ZNF638: variants seen among roughly 807,000 people sequenced by gnomAD.
ZNF638 encodes CTCL tumor antigen se33-1.
Under a neutral mutation model 195.6 loss-of-function variants are expected in ZNF638, and 46 were observed. The observed-to-expected ratio is 0.24, with a 90% CI of 0.19 to 0.30. ZNF638 has a LOEUF of 0.30. Ranked by LOEUF, ZNF638 falls within the 10% of genes least tolerant of loss-of-function variation. The probability of loss-of-function intolerance (pLI) is 1.00; values close to 1 mark genes in which losing one functional copy is unlikely to be tolerated. For synonymous variants in ZNF638, 845 were observed against 772.0 expected, an observed-to-expected ratio of 1.09 and a Z score of -1.57; for missense variants, 2,440 against 2,325.3, an observed-to-expected ratio of 1.05 and a Z score of -1.01.
At chr2:71,336,810 A>G (rs866992134) in intron 1 of ZNF638, among the ~76,000 whole-genome samples, 5 of 152,288 alleles carry the variant, frequency 3.3e-5, no homozygotes, top group Middle Eastern at 6.8e-3. Flanking sequence ...CCAGAGTTAA[A>G]ACACTGAATG....
rs186062036 is a variant in ZNF638 at position 71,343,466 on chromosome 2, C to A, written c.-202-5287C>A. ...GAAATTTGTGACCTACTGTCATTCC[C>A]AATTAAATGTTCCTGCCTGCCAATA... is the stretch of plus-strand genomic sequence containing the variant. On this transcript the variant is annotated intron_variant, in intron 1 of 27. Transcript: ENST00000264447. 1.4e-3 allele frequency among the ~76,000 whole-genome samples: 214 copies of A among 152,240 alleles called. 2 individuals carry two copies. The highest frequency in any genetic ancestry group is 4.6e-3 in the African/African-American group (193 of 41,548).
intron 1 of ZNF638, among the ~76,000 whole-genome samples, chr2:71,340,043 A>C (rs561526824): frequency 6.6e-6 from 1 of 152,356 alleles, no homozygotes; most frequent in African/African-American, 2.4e-5. Flanking sequence ...AATCATTGCT[A>C]TATGGGATTA....
chr2:71,347,480 A>G (rs987389619), intron 1 of ZNF638, among the ~76,000 whole-genome samples: 2 of 152,218 alleles, frequency 1.3e-5, no homozygotes, highest in African/African-American at 2.4e-5. Flanking sequence ...AACGGATGAA[A>G]TTGTGGCTTG....
At chr2:71,380,629 A>G in intron 10 of ZNF638, 64 bp downstream of exon 10, 1 of 1,358,946 alleles carries the variant, frequency 7.4e-7, no homozygotes, top group Non-Finnish European at 1.0e-6. Flanking sequence ...AGAAACTTAG[A>G]TGATGATGCT....
chr2:71,342,176 G>T (rs2104119851), intron 1 of ZNF638, among the ~76,000 whole-genome samples: 1 of 138,466 alleles, frequency 7.2e-6, no homozygotes, highest in South Asian at 2.3e-4. Flanking sequence ...AGCTGAGGCT[G>T]CGTCACTGCA....
chr2:71,367,470 G>C (rs751825570), intron 6 of ZNF638, among the ~76,000 whole-genome samples: 1 of 127,398 alleles, frequency 7.8e-6, no homozygotes, highest in Non-Finnish European at 1.6e-5. Flanking sequence ...GTCTCGCTCT[G>C]TCACCCAGGC....
chr2:71,361,683 A>G (rs1218735909), intron 3 of ZNF638: 4 of 152,248 alleles, frequency 2.6e-5, no homozygotes, highest in South Asian at 4.1e-4. Flanking sequence ...CAGACAATAT[A>G]TCTATTCTCA....
At chr2:71,355,056 C>T (rs1413710979) in intron 2 of ZNF638, among the ~76,000 whole-genome samples, 1 of 152,114 alleles carries the variant, frequency 6.6e-6, no homozygotes, top group African/African-American at 2.4e-5. Flanking sequence ...GCAAGCTCCG[C>T]CTCCCGGGTT....
intron 7 of ZNF638, 26 bp from the exon 8 acceptor site, chr2:71,369,857 T>G: frequency 1.3e-6 from 2 of 1,557,254 alleles, no homozygotes; most frequent in Non-Finnish European, 1.7e-6. Flanking sequence ...GATTTGTGAC[T>G]AAAGATGGAA....
At chr2:71,383,783 G>GTTTTTTTT (rs1558858350) in intron 10 of ZNF638, among the ~76,000 whole-genome samples, 2 of 21,906 alleles carry the variant, frequency 9.1e-5, no homozygotes, top group African/African-American at 2.8e-4. Flanking sequence ...TTTTTTTTTA[G>GTTTTTTTT]TAGAGATGGG....
intron 1 of ZNF638, chr2:71,332,814 T>G (rs1466252361): frequency 6.6e-6 from 1 of 152,196 alleles, no homozygotes; most frequent in Non-Finnish European, 1.5e-5. Context: ...TTCTTAATCT[T>G]AAAATTTGTC....
intron 10 of ZNF638, among the ~76,000 whole-genome samples, chr2:71,383,762 C>CTTTTTTTTTTTTTTTT (rs1181570876): frequency 1.3e-5 from 1 of 76,712 alleles, no homozygotes; most frequent in Non-Finnish European, 2.3e-5. Context: ...TTTTCTTTTT[C>CTTTTTTTTTTTTTTTT]TTTTTTTTTT....
At chr2:71,418,452 T>A in intron 20 of ZNF638, 150 bp from the exon 21 acceptor site, 1 of 438,458 alleles carries the variant, frequency 2.3e-6, no homozygotes, top group East Asian at 3.4e-5. Context: ...TAGAACCTGA[T>A]AGTAATGTAG....
chr2:71,376,995 C>T (rs184021218), intron 8 of ZNF638, among the ~76,000 whole-genome samples: 3 of 152,180 alleles, frequency 2.0e-5, no homozygotes, highest in Non-Finnish European at 4.4e-5. Flanking sequence ...ATCAGGAGCC[C>T]AGTGCAGTGG....
chr2:71,388,275 C>G lies in ZNF638; in HGVS notation c.2377+7710C>G, dbSNP rs1033446239. ...AACAAAGGAGTGTAAAGGAATTTAT[C>G]TAGATAAGTTTATTTACTTTTGCCG... On this transcript the variant is annotated intron_variant, in intron 10 of 27. Transcript: ENST00000264447. 11 of 376,268 alleles carry G rather than the reference C, an allele frequency of 2.9e-5. No homozygotes were observed. The East Asian group carries it at 6.7e-4, about 23-fold the overall frequency. The allele number at this position is 376,268 out of a possible 1,614,324, so 23.3% of individuals were successfully genotyped here. A position where few individuals can be genotyped will look rare whatever the true frequency, so the allele number is the denominator to read the frequency against.
At position 71,349,283 on chromosome 2, in the gene ZNF638, T is replaced by C. The variant is rs199581978; in HGVS notation, c.329T>C (p.Ile110Thr). The C allele has an allele frequency of 1.9e-6, 3 of 1,614,168 alleles. No individual in the cohort carries two copies. Among genetic ancestry groups the C allele is most frequent in the Non-Finnish European group, 1.7e-6 (2 of 1,180,026 alleles). ...AGCCGGTGGGATGATGAGCCTCATA[T>C]ATCTGCATCAGTGGCAGTGAAACAG... ...HGSRWDDEPH[I>T]SASVAVKQSS... is the part of the protein sequence containing the mutation. Residue 110 changes from isoleucine to threonine, a missense_variant, in exon 2 of 28, where the codon ATA becomes ACA. Around this residue, in one of 5 missense-constraint regions of ZNF638, gnomAD observed 191 missense variants for 173.8 expected, o/e 1.10. Coordinates refer to ENST00000264447, the MANE Select transcript of ZNF638 (RefSeq NM_014497.5).
chr2:71,371,678 C>T (rs547430939), intron 8 of ZNF638, among the ~76,000 whole-genome samples: 6 of 128,646 alleles, frequency 4.7e-5, no homozygotes, highest in African/African-American at 1.4e-4. Context: ...ATCTTTTGCC[C>T]ATTTTTTTTT....
At chr2:71,380,800 G>A (rs757609858) in intron 10 of ZNF638, 49 of 358,452 alleles carry the variant, frequency 1.4e-4, no homozygotes, top group Admixed American at 2.4e-4. Flanking sequence ...AATAGCTATC[G>A]TAGTTCCACA....
intron 10 of ZNF638, among the ~76,000 whole-genome samples, chr2:71,390,177 C>T (rs900537842): frequency 1.1e-4 from 17 of 152,190 alleles, no homozygotes; most frequent in African/African-American, 4.1e-4. Context: ...TGCCAACCAC[C>T]TAAGTAATCA....
Sources: allele counts gnomAD v4.1 joint callset (sites outside exome capture counted in the v4.1 genomes callset), GRCh38; gene constraint gnomAD v4.1.1; regional missense constraint gnomAD v4.1.1; transcripts MANE v1.5; gene names NCBI Gene and HGNC (gene_info 2026-07-23, HGNC 2026-07-21).